Variants in SEMA5A observed in about 807,000 individuals in gnomAD.
SEMA5A encodes semaphorin 5A.
Under a neutral mutation model 135.5 loss-of-function variants are expected in SEMA5A, and 55 were observed. That is an observed-to-expected ratio of 0.41 (90% CI 0.33 to 0.51). The LOEUF is 0.51. SEMA5A is among the 20% of genes least tolerant of loss of function. SEMA5A has a pLI of 0.37. For synonymous variants in SEMA5A, 580 were observed against 546.5 expected, an observed-to-expected ratio of 1.06 and a Z score of -0.85; for missense variants, 1,290 against 1,419.9, an observed-to-expected ratio of 0.91 and a Z score of 1.47.
intron 1 of SEMA5A, among the ~76,000 whole-genome samples, chr5:9,492,439 C>A (rs1735069069): frequency 6.6e-6 from 1 of 152,070 alleles, no homozygotes; most frequent in Admixed American, 6.6e-5. Flanking sequence ...CTTAAGCAAT[C>A]CAAAAATAGA....
intron 1 of SEMA5A, among the ~76,000 whole-genome samples, chr5:9,507,001 G>C (rs1345212832): frequency 6.6e-6 from 1 of 152,158 alleles, no homozygotes; most frequent in Non-Finnish European, 1.5e-5. Context: ...AATCAAATGG[G>C]CATCAATTCC....
intron 1 of SEMA5A, among the ~76,000 whole-genome samples, chr5:9,454,117 G>GT (rs1229077010): frequency 6.6e-6 from 1 of 152,184 alleles, no homozygotes; most frequent in East Asian, 1.9e-4. Flanking sequence ...TCATCCTGGA[G>GT]TGAAAAATAG....
At chr5:9,128,674 C>A (rs1370053965) in intron 13 of SEMA5A, among the ~76,000 whole-genome samples, 2 of 152,140 alleles carry the variant, frequency 1.3e-5, no homozygotes, top group Admixed American at 1.3e-4. Flanking sequence ...GATTTAATTT[C>A]TTTATGCTAT....
intron 5 of SEMA5A, among the ~76,000 whole-genome samples, chr5:9,279,573 T>C (rs887117831): frequency 1.3e-5 from 2 of 152,096 alleles, no homozygotes; most frequent in Non-Finnish European, 2.9e-5. Context: ...TAGCTCTGTG[T>C]CCCACCCAAA....
intron 3 of SEMA5A, among the ~76,000 whole-genome samples, chr5:9,348,407 T>C (rs1349691680): frequency 6.6e-6 from 1 of 152,222 alleles, no homozygotes. Flanking sequence ...AAACTAAGCA[T>C]GACCCTCAAA....
chr5:9,247,608 T>C (rs560644099), intron 5 of SEMA5A, among the ~76,000 whole-genome samples: 1 of 152,292 alleles, frequency 6.6e-6, no homozygotes, highest in African/African-American at 2.4e-5. Flanking sequence ...AAGTTAAAAA[T>C]GCTTGCTTCC....
At chr5:9,488,291 C>T (rs1313544494) in intron 1 of SEMA5A, among the ~76,000 whole-genome samples, 1 of 152,156 alleles carries the variant, frequency 6.6e-6, no homozygotes, top group Non-Finnish European at 1.5e-5. Flanking sequence ...GCATGTCCAC[C>T]TACACATGAA....
At chr5:9,393,204 A>C (rs1756242492) in intron 2 of SEMA5A, among the ~76,000 whole-genome samples, 1 of 152,236 alleles carries the variant, frequency 6.6e-6, no homozygotes, top group Admixed American at 6.5e-5. Flanking sequence ...TGTGATGGGA[A>C]ATATGTTAAT....
intron 5 of SEMA5A, among the ~76,000 whole-genome samples, chr5:9,303,927 T>C (rs1460667312): frequency 2.0e-5 from 3 of 152,188 alleles, no homozygotes; most frequent in Admixed American, 2.0e-4. Flanking sequence ...TGAGCATTTC[T>C]CCAGCAAAAT....
intron 15 of SEMA5A, among the ~76,000 whole-genome samples, chr5:9,109,505 T>C (rs1043043277): frequency 2.6e-5 from 4 of 152,210 alleles, no homozygotes; most frequent in Admixed American, 6.5e-5. Context: ...CGGTGATTCA[T>C]AGTCCATCTA....
chr5:9,332,821 A>C (rs1170665401), intron 4 of SEMA5A, among the ~76,000 whole-genome samples: 2 of 152,238 alleles, frequency 1.3e-5, no homozygotes, highest in African/African-American at 4.8e-5. Flanking sequence ...AAAATCAAAC[A>C]TTTCCAAGGA....
intron 21 of SEMA5A, among the ~76,000 whole-genome samples, chr5:9,050,114 C>T (rs1223392250): frequency 6.6e-6 from 1 of 152,166 alleles, no homozygotes; most frequent in East Asian, 1.9e-4. Context: ...CTGGGACCTT[C>T]CCATGAGGTC....
chr5:9,389,001 T>C (rs1756029952), intron 2 of SEMA5A, among the ~76,000 whole-genome samples: 1 of 152,148 alleles, frequency 6.6e-6, no homozygotes, highest in African/African-American at 2.4e-5. Context: ...AAAGCAATGC[T>C]ACCACAGTGG....
intron 1 of SEMA5A, among the ~76,000 whole-genome samples, chr5:9,535,763 T>C (rs1016855695): frequency 1.3e-5 from 2 of 152,060 alleles, no homozygotes; most frequent in African/African-American, 4.8e-5. Context: ...ACTCCAGATT[T>C]TTCCCACCAG....
At chr5:9,240,305 T>C (rs1454161590) in intron 5 of SEMA5A, among the ~76,000 whole-genome samples, 2 of 152,098 alleles carry the variant, frequency 1.3e-5, no homozygotes, top group East Asian at 3.8e-4. Flanking sequence ...ACAGCTTTTC[T>C]GTTCACTTTC....
Position 9,256,902 on chromosome 5 carries a change from T to A in SEMA5A, c.271-19012A>T, listed in dbSNP as rs1307394152. On this transcript the variant is annotated intron_variant, in intron 5 of 22. Transcript: ENST00000382496. ...AAGATTAGCATGAAGAGTGAAAAAA[T>A]CAGTTTGCATTTAGTTTTCAAATTC... Among the ~76,000 whole-genome samples, 15 of 152,190 alleles carry A rather than the reference T, an allele frequency of 9.9e-5. No homozygotes were observed. The East Asian group carries it at 2.5e-3, about 25-fold the overall frequency.
chr5:9,224,475 C>T (rs1025702841), intron 8 of SEMA5A, among the ~76,000 whole-genome samples, 199 bp downstream of exon 8: 16 of 151,748 alleles, frequency 1.1e-4, no homozygotes, highest in Non-Finnish European at 7.4e-5. Flanking sequence ...TAGAGTGTTG[C>T]GAATATCACT....
At chr5:9,322,473 A>G (rs1243962287) in intron 4 of SEMA5A, among the ~76,000 whole-genome samples, 1 of 152,042 alleles carries the variant, frequency 6.6e-6, no homozygotes, top group African/African-American at 2.4e-5. Flanking sequence ...ACCACATCCA[A>G]TACCCCAGGA....
chr5:9,097,389 G>A (rs1739379157), intron 16 of SEMA5A, among the ~76,000 whole-genome samples: 1 of 152,206 alleles, frequency 6.6e-6, no homozygotes, highest in African/African-American at 2.4e-5. Flanking sequence ...GATGTATGCA[G>A]GGATTTGAAC....
Sources: gnomAD v4.1 joint callset for allele counts (sites outside exome capture counted in the v4.1 genomes callset) on GRCh38, gnomAD v4.1.1 for gene constraint, MANE v1.5 for transcripts, NCBI Gene and HGNC (gene_info 2026-07-23, HGNC 2026-07-21) for gene names.